The following APLP2 variants were observed in gnomAD, a reference collection of about 807,000 sequenced individuals.
APLP2 encodes the protein amyloid beta precursor like protein 2, also known as CDEI box-binding protein.
A neutral mutation model predicts 89.9 loss-of-function variants in APLP2; 53 were observed. The observed-to-expected ratio is 0.59, with a 90% CI of 0.47 to 0.74. APLP2 has a LOEUF of 0.74. Ranked by LOEUF, APLP2 falls within the 30% of genes least tolerant of loss-of-function variation. The pLI, the probability that APLP2 is intolerant of heterozygous loss-of-function variation, is 0.00. For missense variants in APLP2, 973 were observed against 975.9 expected, an observed-to-expected ratio of 1.00 and a Z score of 0.04; for synonymous variants, 372 against 348.6, an observed-to-expected ratio of 1.07 and a Z score of -0.75.
intron 1 of APLP2, among the ~76,000 whole-genome samples, chr11:130,087,009 A>G (rs74628477): frequency 6.6e-6 from 1 of 152,218 alleles, no homozygotes; most frequent in Non-Finnish European, 1.5e-5. Flanking sequence ...CTGTTGGGCT[A>G]TTAAGTATTG....
intron 11 of APLP2, among the ~76,000 whole-genome samples, chr11:130,130,685 T>C (rs997772017): frequency 2.0e-5 from 3 of 152,248 alleles, no homozygotes; most frequent in Non-Finnish European, 4.4e-5. Flanking sequence ...ACAAGACTGC[T>C]AGCTTCCGTT....
chr11:130,107,748 C>T (rs548786972), intron 1 of APLP2, among the ~76,000 whole-genome samples: 81 of 152,266 alleles, frequency 5.3e-4, no homozygotes, highest in African/African-American at 1.8e-3. Flanking sequence ...AAAGAGCCCG[C>T]GTTGCCAAGT....
intron 7 of APLP2, among the ~76,000 whole-genome samples, chr11:130,126,224 G>C (rs1244045521): frequency 1.3e-5 from 2 of 152,150 alleles, no homozygotes; most frequent in African/African-American, 2.4e-5. Flanking sequence ...TGTAAATTAA[G>C]ACTCAAAGAT....
chr11:130,090,247 C>CTTTTTTTTTTTTTTTTT (rs539249012), intron 1 of APLP2, among the ~76,000 whole-genome samples: 1 of 86,108 alleles, frequency 1.2e-5, no homozygotes, highest in African/African-American at 4.3e-5. Flanking sequence ...CTAGCTCTGT[C>CTTTTTTTTTTTTTTTTT]TTTTTTTTTT....
At chr11:130,091,565 G>T (rs1280493025) in intron 1 of APLP2, among the ~76,000 whole-genome samples, 1 of 137,178 alleles carries the variant, frequency 7.3e-6, no homozygotes, top group African/African-American at 2.8e-5. Flanking sequence ...CCTCCCTCCC[G>T]GACGGGGCGG....
At chr11:130,132,931 C>T (rs1951090224) in intron 11 of APLP2, among the ~76,000 whole-genome samples, 1 of 151,562 alleles carries the variant, frequency 6.6e-6, no homozygotes, top group Non-Finnish European at 1.5e-5. Flanking sequence ...ACTCTTCTTT[C>T]ACTCAGCAAA....
chr11:130,103,221 C>T (rs6590437), intron 1 of APLP2, among the ~76,000 whole-genome samples: 38,179 of 152,138 alleles, frequency 0.25, 7,082 homozygotes, highest in African/African-American at 0.52. Flanking sequence ...TAGCCTTTTA[C>T]ACCCTAGGTA....
At chr11:130,131,644 G>A (rs752051619) in intron 11 of APLP2, among the ~76,000 whole-genome samples, 2 of 152,186 alleles carry the variant, frequency 1.3e-5, no homozygotes, top group Non-Finnish European at 2.9e-5. Flanking sequence ...GGCTCTTGGG[G>A]TCTACTTGAT....
At chr11:130,122,858 C>T (rs1277209118) in intron 6 of APLP2, among the ~76,000 whole-genome samples, 1 of 152,210 alleles carries the variant, frequency 6.6e-6, no homozygotes, top group Admixed American at 6.5e-5. Context: ...GTTCTGGCCT[C>T]CTAGAATAGA....
intron 11 of APLP2, among the ~76,000 whole-genome samples, chr11:130,131,901 C>G (rs1410425146): frequency 1.3e-5 from 2 of 152,172 alleles, no homozygotes; most frequent in Admixed American, 6.5e-5. Flanking sequence ...ACTACCTGCT[C>G]TTAGCTTTAA....
chr11:130,070,693 A>AT, intron 1 of APLP2: 36 of 1,477,704 alleles, frequency 2.4e-5, no homozygotes, highest in Non-Finnish European at 3.1e-5. Flanking sequence ...GCGGACGCGC[A>AT]TTTTTTAAGT....
In APLP2 at chr11:130,123,461, C is replaced by T; in HGVS notation, c.923-151C>T. 2 of 753,466 alleles carry T rather than the reference C, an allele frequency of 2.7e-6. No homozygotes were observed. The highest frequency in any genetic ancestry group is 4.2e-6 in the Non-Finnish European group (2 of 475,322). The allele number at this position is 753,466 out of a possible 1,614,324, so 46.7% of individuals were successfully genotyped here. ...AGCAACTTGTCCTCAGCAAGGCTGG[C>T]CTGAGCTGGAGCTTTCGGCCACCGG... On this transcript the variant is annotated intron_variant, in intron 6 of 16. Transcript: ENST00000338167. This position sits in a 1 kb window ranked among gnomAD's most constrained non-coding sequence, Gnocchi z 4.0.
intron 1 of APLP2, among the ~76,000 whole-genome samples, chr11:130,091,085 G>T (rs1944997974): frequency 7.0e-6 from 1 of 142,098 alleles, no homozygotes. Flanking sequence ...CTGGCCGGGC[G>T]GGGGGCTGAC....
chr11:130,131,111 T>C (rs1006046471), intron 11 of APLP2, among the ~76,000 whole-genome samples: 1 of 152,142 alleles, frequency 6.6e-6, no homozygotes, highest in Non-Finnish European at 1.5e-5. Flanking sequence ...TTTTGTCTGT[T>C]TGTTTGAGAT....
intron 1 of APLP2, among the ~76,000 whole-genome samples, chr11:130,089,058 C>T (rs1341373067): frequency 6.6e-6 from 1 of 152,098 alleles, no homozygotes; most frequent in African/African-American, 2.4e-5. Context: ...CCTCAGCCCC[C>T]TCCCTACCAC....
intron 13 of APLP2, among the ~76,000 whole-genome samples, chr11:130,137,047 C>T (rs1231976110): frequency 6.6e-6 from 1 of 152,162 alleles, no homozygotes; most frequent in Non-Finnish European, 1.5e-5. Flanking sequence ...TTTTTTCTCT[C>T]TTATCAAGGA....
intron 13 of APLP2, among the ~76,000 whole-genome samples, chr11:130,138,163 A>G (rs1424663325): frequency 1.3e-5 from 2 of 152,248 alleles, no homozygotes; most frequent in Non-Finnish European, 2.9e-5. Context: ...TTTCTTGTTC[A>G]TAATGTGTTG....
intron 1 of APLP2, among the ~76,000 whole-genome samples, chr11:130,078,596 T>C (rs1413378790): frequency 1.3e-5 from 2 of 152,316 alleles, no homozygotes; most frequent in South Asian, 2.1e-4. Context: ...ACTTTATTTT[T>C]TTGCCTTTCG....
intron 1 of APLP2, among the ~76,000 whole-genome samples, chr11:130,073,358 G>A (rs899081299): frequency 3.9e-5 from 6 of 152,142 alleles, no homozygotes; most frequent in Non-Finnish European, 5.9e-5. Flanking sequence ...GTTAGATGGT[G>A]CTGATTTAAA....
Sources: gnomAD v4.1 joint callset for allele counts (sites outside exome capture counted in the v4.1 genomes callset) on GRCh38, gnomAD v4.1.1 for gene constraint, Gnocchi (gnomAD v3.1) non-coding constraint, MANE v1.5 for transcripts, NCBI Gene and HGNC (gene_info 2026-07-23, HGNC 2026-07-21) for gene names.